The following TRIQK variants were observed in gnomAD, a reference collection of about 807,000 sequenced individuals.
TRIQK encodes the protein triple QxxK/R motif-containing protein.
A neutral mutation model predicts 10.8 loss-of-function variants in TRIQK; 10 were observed. That is an observed-to-expected ratio of 0.92 (90% confidence interval 0.57 to 1.57). TRIQK has a LOEUF of 1.57. TRIQK is among the 40% of genes most tolerant of loss of function. The pLI, the probability that TRIQK is intolerant of heterozygous loss-of-function variation, is 0.00. For missense variants in TRIQK, 107 were observed against 97.7 expected, an observed-to-expected ratio of 1.09 and a Z score of -0.40; for synonymous variants, 33 against 33.7, an observed-to-expected ratio of 0.98 and a Z score of 0.07.
At chr8:92,922,718 A>G (rs1403108588) in intron 2 of TRIQK, 1 of 151,814 alleles carries the variant, frequency 6.6e-6, no homozygotes, top group Non-Finnish European at 1.5e-5. Flanking sequence ...GAAAAATCTA[A>G]AGAATCTAAA....
intron 1 of TRIQK, among the ~76,000 whole-genome samples, chr8:92,995,626 G>A (rs745519264): frequency 2.4e-4 from 36 of 151,996 alleles, no homozygotes; most frequent in Non-Finnish European, 4.7e-4. Context: ...GTTCACAACA[G>A]TGATCATCTT....
chr8:92,926,089 AT>A (rs1810435683), intron 2 of TRIQK, among the ~76,000 whole-genome samples: 1 of 151,948 alleles, frequency 6.6e-6, no homozygotes, highest in Non-Finnish European at 1.5e-5. Flanking sequence ...CAAAAAAAAA[AT>A]TGGAAGCAGC....
intron 4 of TRIQK, among the ~76,000 whole-genome samples, chr8:92,891,757 T>G (rs1816776639): frequency 6.6e-6 from 1 of 151,870 alleles, no homozygotes; most frequent in Admixed American, 6.6e-5. Flanking sequence ...AATTGCACCT[T>G]TAAGTATAAC....
chr8:92,899,583 C>T (rs1808808960), intron 3 of TRIQK, among the ~76,000 whole-genome samples: 2 of 152,148 alleles, frequency 1.3e-5, no homozygotes, highest in Admixed American at 1.3e-4. Flanking sequence ...GACAGGATCT[C>T]ATTCTTTTTT....
chr8:92,957,059 G>T (rs1169810426), intron 1 of TRIQK, among the ~76,000 whole-genome samples: 1 of 151,694 alleles, frequency 6.6e-6, no homozygotes, highest in East Asian at 1.9e-4. Flanking sequence ...ACTTGCCCAA[G>T]CATGCAAAGT....
intron 3 of TRIQK, among the ~76,000 whole-genome samples, chr8:92,898,932 G>A (rs1309344039): frequency 6.9e-6 from 1 of 144,220 alleles, no homozygotes; most frequent in Non-Finnish European, 1.5e-5. Flanking sequence ...TCACATCAGG[G>A]TAAATGCGGT....
intron 1 of TRIQK, among the ~76,000 whole-genome samples, chr8:92,988,839 T>C (rs753392256): frequency 5.9e-5 from 9 of 152,168 alleles, no homozygotes; most frequent in Non-Finnish European, 1.3e-4. Context: ...AAATATTATA[T>C]AATAAATATA....
At chr8:92,889,505 A>C (rs1816654435) in intron 4 of TRIQK, among the ~76,000 whole-genome samples, 1 of 151,622 alleles carries the variant, frequency 6.6e-6, no homozygotes, top group African/African-American at 2.4e-5. Flanking sequence ...CCATAATACT[A>C]CCTCCAAAGC....
intron 2 of TRIQK, among the ~76,000 whole-genome samples, chr8:92,948,744 C>A (rs1207982234): frequency 6.6e-6 from 1 of 152,118 alleles, no homozygotes; most frequent in African/African-American, 2.4e-5. Context: ...AACTATTCTC[C>A]AAAAGACAAT....
chr8:92,972,033 C>T (rs1812881789), intron 1 of TRIQK, among the ~76,000 whole-genome samples: 1 of 152,038 alleles, frequency 6.6e-6, no homozygotes, highest in Admixed American at 6.6e-5. Context: ...CTTTTTATCT[C>T]TGGTTATACT....
At chr8:92,951,023 A>G (rs924566457) in intron 2 of TRIQK, among the ~76,000 whole-genome samples, 3 of 152,050 alleles carry the variant, frequency 2.0e-5, no homozygotes, top group Admixed American at 1.3e-4. Context: ...TATTCTTTAA[A>G]TCATCTTTAG....
At chr8:92,989,597 C>T (rs1813075411) in intron 1 of TRIQK, among the ~76,000 whole-genome samples, 1 of 152,136 alleles carries the variant, frequency 6.6e-6, no homozygotes, top group African/African-American at 2.4e-5. Flanking sequence ...CAGATGGGAC[C>T]AACTAGTTGC....
chr8:92,963,299 T>C (rs947069715), intron 1 of TRIQK, among the ~76,000 whole-genome samples: 2 of 152,152 alleles, frequency 1.3e-5, no homozygotes, highest in East Asian at 1.9e-4. Flanking sequence ...ACTACTGATA[T>C]CCACTTTTAT....
At chr8:93,002,327 AAT>A (rs1813219393) in intron 1 of TRIQK, among the ~76,000 whole-genome samples, 1 of 152,174 alleles carries the variant, frequency 6.6e-6, no homozygotes, top group East Asian at 1.9e-4. Flanking sequence ...TGAAACAAAA[AAT>A]GAGTTTTTTG....
chr8:92,886,465 T>C lies in TRIQK; in HGVS notation c.*157A>G. On this transcript the variant is annotated 3_prime_UTR_variant, in exon 5 of 5. Transcript: ENST00000521988. ...ACTGCATTGCTAGGTAAGGTTCTTT[T>C]CCTGACATCCTATGCAACTATCAAA... 1.9e-6 allele frequency: 1 copy of C among 535,864 alleles called. No homozygotes were observed. Among genetic ancestry groups the C allele is most frequent in the Non-Finnish European group, 3.3e-6 (1 of 303,230 alleles). 33.2% of individuals were successfully genotyped at this position (535,864 alleles called of 1,614,324 possible).
intron 2 of TRIQK, among the ~76,000 whole-genome samples, chr8:92,951,976 C>G (rs1244583465): frequency 6.6e-6 from 1 of 151,978 alleles, no homozygotes; most frequent in Non-Finnish European, 1.5e-5. Flanking sequence ...CCACATAGCT[C>G]CATACTTTAC....
At chr8:92,955,167 AGAGTAT>A (rs1812106501) in intron 1 of TRIQK, among the ~76,000 whole-genome samples, 1 of 151,866 alleles carries the variant, frequency 6.6e-6, no homozygotes, top group South Asian at 2.1e-4. Flanking sequence ...CATATGGATA[AGAGTAT>A]AAAATTTAAG....
chr8:93,008,726 C>T (rs1813298652), intron 1 of TRIQK, among the ~76,000 whole-genome samples: 1 of 152,162 alleles, frequency 6.6e-6, no homozygotes, highest in African/African-American at 2.4e-5. Context: ...CAAGAGCACA[C>T]ATTGGTGAAA....
At chr8:92,891,094 C>T (rs182505995) in intron 4 of TRIQK, among the ~76,000 whole-genome samples, 6 of 151,656 alleles carry the variant, frequency 4.0e-5, no homozygotes, top group East Asian at 1.9e-4. Flanking sequence ...CAATCAGGAG[C>T]GAAAAGAAGG....
Sources: gnomAD v4.1 joint callset for allele counts (sites outside exome capture counted in the v4.1 genomes callset) on GRCh38, gnomAD v4.1.1 for gene constraint, MANE v1.5 for transcripts, NCBI Gene and HGNC (gene_info 2026-07-23, HGNC 2026-07-21) for gene names.